RARS2: variants seen among roughly 807,000 people sequenced by gnomAD.
The protein encoded by RARS2 is arginyl-tRNA synthetase 2, mitochondrial.
Under a neutral mutation model 88.5 loss-of-function variants are expected in RARS2, and 67 were observed. That is an observed-to-expected ratio of 0.76 (90% CI 0.62 to 0.93). The LOEUF (loss-of-function observed/expected upper bound fraction) is 0.93. RARS2 is among the 40% of genes least tolerant of loss of function. The probability of loss-of-function intolerance (pLI) is 0.00; values close to 1 mark genes in which losing one functional copy is unlikely to be tolerated. For synonymous variants in RARS2, 239 were observed against 230.3 expected, an observed-to-expected ratio of 1.04 and a Z score of -0.34; for missense variants, 664 against 684.2, an observed-to-expected ratio of 0.97 and a Z score of 0.33.
chr6:87,516,724 G>T (rs1447129000), intron 18 of RARS2, 82 bp downstream of exon 18: 1 of 1,573,900 alleles, frequency 6.4e-7, no homozygotes. Context: ...TTAGGCCAAG[G>T]AATTTGTTTA....
chr6:87,572,072 A>G, intron 1 of RARS2, among the ~76,000 whole-genome samples: 1 of 148,206 alleles, frequency 6.7e-6, no homozygotes, highest in African/African-American at 2.5e-5. Context: ...AACATCAGTA[A>G]TAAAGGTTCT....
intron 4 of RARS2, among the ~76,000 whole-genome samples, chr6:87,557,641 C>G (rs1046027547): frequency 9.9e-5 from 15 of 152,152 alleles, no homozygotes; most frequent in Non-Finnish European, 4.4e-5. Flanking sequence ...ATCCTAATTC[C>G]TTCCCTCCTT....
chr6:87,554,887 G>A (rs778628650), intron 5 of RARS2, among the ~76,000 whole-genome samples: 30 of 152,106 alleles, frequency 2.0e-4, no homozygotes, highest in Non-Finnish European at 3.1e-4. Context: ...CAGATCACGA[G>A]GTCAGGAGAT....
At chr6:87,552,017 A>C (rs186589004) in intron 5 of RARS2, among the ~76,000 whole-genome samples, 95 of 152,318 alleles carry the variant, frequency 6.2e-4, no homozygotes, top group Middle Eastern at 6.8e-3. Flanking sequence ...TTTATCCTGT[A>C]CTTTATCACA....
At chr6:87,550,891 G>A (rs1784124908) in intron 5 of RARS2, among the ~76,000 whole-genome samples, 1 of 151,618 alleles carries the variant, frequency 6.6e-6, no homozygotes, top group African/African-American at 2.4e-5. Flanking sequence ...CTAGGAGGGT[G>A]AATAAAACAC....
rs373101415 is a variant in RARS2 at position 87,530,960 on chromosome 6, C to T, written c.613-18G>A. The T allele has an allele frequency of 4.3e-6, 7 of 1,613,474 alleles. No individual in the cohort carries two copies. In the African/African-American group the frequency reaches 5.3e-5, roughly 12 times the overall value. On this transcript the variant is annotated intron_variant, in intron 8 of 19. Transcript: ENST00000369536. ...ACATAAACCTAAAAGTACAATAGTACATTAAATGAAGTACATAACAGGTCA... is the reference window on the plus strand; with the variant it reads ...ACATAAACCTAAAAGTACAATAGTATATTAAATGAAGTACATAACAGGTCA...
In RARS2 at chr6:87,530,709, G is replaced by A. The variant is rs1777216402; in HGVS notation, c.771+75C>T. The A allele has an allele frequency of 1.0e-5, 16 of 1,545,406 alleles. 1 individual carries two copies. The highest frequency in any genetic ancestry group is 1.0e-4 in the Admixed American group (6 of 59,800). On this transcript the variant is annotated intron_variant, in intron 9 of 19. Coordinates refer to ENST00000369536, the MANE Select transcript of RARS2 (RefSeq NM_020320.5). Reference sequence around the variant, plus strand: ...TATTTTTAAAACACAAGCTTAACACGCAACTTTACTATGCAGGTAACAGCC... The same window carrying A: ...TATTTTTAAAACACAAGCTTAACACACAACTTTACTATGCAGGTAACAGCC...
At chr6:87,569,893 T>C (rs1369925850) in intron 1 of RARS2, among the ~76,000 whole-genome samples, 1 of 136,808 alleles carries the variant, frequency 7.3e-6, no homozygotes, top group South Asian at 2.3e-4. Context: ...CTTCGTAAAT[T>C]AAAAAAAAAA....
intron 8 of RARS2, 70 bp from the exon 9 acceptor site, chr6:87,531,012 C>T: frequency 6.3e-7 from 1 of 1,586,330 alleles, no homozygotes; most frequent in Admixed American, 1.8e-5. Context: ...GGAAAGAAAG[C>T]AAAAAAAGCA....
intron 10 of RARS2, among the ~76,000 whole-genome samples, chr6:87,525,696 G>A (rs557309207): frequency 2.6e-5 from 4 of 152,046 alleles, no homozygotes; most frequent in African/African-American, 7.2e-5. Flanking sequence ...TTAGGCGCGC[G>A]CCACCACGTC....
In RARS2 at chr6:87,518,503, A is replaced by T. The variant is rs920388045; in HGVS notation, c.1415+127T>A. The T allele has an allele frequency of 1.1e-5, 14 of 1,273,934 alleles. No homozygotes were observed. In the Admixed American group the frequency reaches 2.2e-4, roughly 20 times the overall value. The allele number at this position is 1,273,934 out of a possible 1,614,324, so 78.9% of individuals were successfully genotyped here. A position where few individuals can be genotyped will look rare whatever the true frequency, so the allele number is the denominator to read the frequency against. ...TTTTTTTTTTCCTAAAAGAAGGTCT[A>T]CTCTAGTCAGATGTGAATAGAAGAT... is the stretch of plus-strand genomic sequence containing the variant. On this transcript the variant is annotated intron_variant, in intron 16 of 19. Coordinates refer to ENST00000369536, the MANE Select transcript of RARS2 (RefSeq NM_020320.5).
At chr6:87,576,274 CTTTTT>C (rs55999428) in intron 1 of RARS2, among the ~76,000 whole-genome samples, 1 of 80,804 alleles carries the variant, frequency 1.2e-5, no homozygotes. Context: ...ACACAAATTT[CTTTTT>C]TTTTTTTTTT....
intron 17 of RARS2, 101 bp downstream of exon 17, chr6:87,518,068 G>T: frequency 6.2e-7 from 1 of 1,607,418 alleles, no homozygotes. Flanking sequence ...TCTAGAGGCA[G>T]AAGGCAGCTA....
At chr6:87,528,097 T>C (rs113928829) in intron 10 of RARS2, among the ~76,000 whole-genome samples, 10 of 150,928 alleles carry the variant, frequency 6.6e-5, no homozygotes, top group Middle Eastern at 3.4e-3. Context: ...AAGACCCGTA[T>C]AGACATTTCT....
At chr6:87,569,487 A>G in intron 2 of RARS2, 30 bp downstream of exon 2, 1 of 1,522,064 alleles carries the variant, frequency 6.6e-7, no homozygotes, top group Non-Finnish European at 9.1e-7. Context: ...GCAACATTTT[A>G]TAGATTGTTA....
At chr6:87,575,224 A>AAC (rs1562251525) in intron 1 of RARS2, among the ~76,000 whole-genome samples, 2 of 84,898 alleles carry the variant, frequency 2.4e-5, no homozygotes, top group Non-Finnish European at 4.9e-5. Flanking sequence ...AAAAATAGAA[A>AAC]GCACACACAC....
At chr6:87,584,257 G>A (rs1774458240) in intron 1 of RARS2, among the ~76,000 whole-genome samples, 1 of 152,180 alleles carries the variant, frequency 6.6e-6, no homozygotes, top group African/African-American at 2.4e-5. Flanking sequence ...TGTGGCTACT[G>A]CTATTGCTAT....
At chr6:87,515,477 G>A (rs890932184) in intron 18 of RARS2, among the ~76,000 whole-genome samples, 8 of 151,272 alleles carry the variant, frequency 5.3e-5, no homozygotes, top group East Asian at 1.9e-4. Flanking sequence ...CCGAGATCAC[G>A]CCACTGCACT....
At position 87,514,506 on chromosome 6, in the gene RARS2, A is replaced by G; in HGVS notation, c.1651-7T>C. On this transcript the variant is annotated splice_polypyrimidine_tract_variant and splice_region_variant and intron_variant, in intron 19 of 19. Transcript: ENST00000369536. The stretch of plus-strand genomic sequence containing the variant: ...TGAAAAGATGAAGTCTGGCCTACAA[A>G]ATAAATCAAAGAATGATTTAAAATA... 6.3e-7 allele frequency: 1 copy of G among 1,599,162 alleles called. No homozygotes were observed. The highest frequency in any genetic ancestry group is 2.2e-5 in the East Asian group (1 of 44,744).
Sources: gnomAD v4.1 joint callset for allele counts (sites outside exome capture counted in the v4.1 genomes callset) on GRCh38, gnomAD v4.1.1 for gene constraint, MANE v1.5 for transcripts, NCBI Gene and HGNC (gene_info 2026-07-23, HGNC 2026-07-21) for gene names.